ATP6V1H: variants seen among roughly 807,000 people sequenced by gnomAD.
ATP6V1H encodes ATPase H+ transporting V1 subunit H, also known as V-type proton ATPase subunit H.
Under a neutral mutation model 71.7 loss-of-function variants are expected in ATP6V1H, and 39 were observed. That is an observed-to-expected ratio of 0.54 (90% CI 0.42 to 0.71). ATP6V1H has a LOEUF of 0.71. ATP6V1H is among the 30% of genes least tolerant of loss of function. The pLI is 0.00. For missense variants in ATP6V1H, 509 were observed against 594.9 expected (o/e 0.86, Z 1.50); for synonymous variants, 192 against 199.3 (o/e 0.96, Z 0.31).
intron 11 of ATP6V1H, among the ~76,000 whole-genome samples, chr8:53,763,626 CAAA>C (rs2130285767): frequency 6.6e-6 from 1 of 151,910 alleles, no homozygotes; most frequent in African/African-American, 2.4e-5. Flanking sequence ...ATCTTGGAAA[CAAA>C]AGAGCAGACT....
intron 4 of ATP6V1H, among the ~76,000 whole-genome samples, chr8:53,823,384 A>C (rs1810722645): frequency 6.6e-6 from 1 of 152,246 alleles, no homozygotes; most frequent in African/African-American, 2.4e-5. Context: ...GGAACGCAGA[A>C]ACTGGATTAA....
At chr8:53,841,229 T>G (rs962583830) in intron 2 of ATP6V1H, among the ~76,000 whole-genome samples, 23 of 152,352 alleles carry the variant, frequency 1.5e-4, no homozygotes, top group African/African-American at 4.3e-4. Context: ...CCATGCTGAT[T>G]GCCAGGGCAT....
rs1447220834 is a variant in ATP6V1H at position 53,743,467 on chromosome 8, A to G, written c.1391+110T>C. 14 of 786,718 alleles carry G rather than the reference A, an allele frequency of 1.8e-5. No homozygotes were observed. In the Admixed American group the frequency reaches 2.4e-4, roughly 14 times the overall value. 48.7% of individuals were successfully genotyped at this position (786,718 alleles called of 1,614,324 possible). The stretch of plus-strand genomic sequence containing the variant: ...ATATATTTCTAAATTTTGAATCAAA[A>G]TAACTAATTTTAAAAATGATCATTC... On this transcript the variant is annotated intron_variant, in intron 13 of 13. Transcript: ENST00000359530.
intron 7 of ATP6V1H, among the ~76,000 whole-genome samples, chr8:53,807,278 T>A (rs529068694): frequency 6.6e-6 from 1 of 151,906 alleles, no homozygotes; most frequent in African/African-American, 2.4e-5. Context: ...GAAAACAATT[T>A]AAGGAATCTG....
chr8:53,819,666 ATATATACATATG>A (rs1222639696), intron 4 of ATP6V1H, among the ~76,000 whole-genome samples: 1 of 132,016 alleles, frequency 7.6e-6, no homozygotes, highest in Middle Eastern at 3.4e-3. Context: ...ACGTATATAC[ATATATACATATG>A]TATATACAAA....
chr8:53,769,502 C>T (rs1040738746), intron 11 of ATP6V1H, 116 bp downstream of exon 11: 3 of 1,076,932 alleles, frequency 2.8e-6, no homozygotes, highest in Non-Finnish European at 3.9e-6. Flanking sequence ...CATTAGTCAG[C>T]AAGAAAATAC....
intron 4 of ATP6V1H, among the ~76,000 whole-genome samples, chr8:53,819,116 G>A (rs1408240672): frequency 3.3e-5 from 5 of 152,072 alleles, no homozygotes; most frequent in African/African-American, 7.2e-5. Flanking sequence ...GGAGGTGGGA[G>A]GATCACTTGA....
chr8:53,758,031 A>G (rs1245154891), intron 11 of ATP6V1H, among the ~76,000 whole-genome samples: 1 of 152,250 alleles, frequency 6.6e-6, no homozygotes, highest in Non-Finnish European at 1.5e-5. Context: ...GAGATTGAAG[A>G]GCAGTGAAGA....
At chr8:53,832,823 GA>G (rs1329438153) in intron 3 of ATP6V1H, 160 bp downstream of exon 3, 36 of 449,390 alleles carry the variant, frequency 8.0e-5, no homozygotes, top group Non-Finnish European at 1.2e-5. Flanking sequence ...TATATTCTAA[GA>G]AAATATTCAG....
intron 13 of ATP6V1H, among the ~76,000 whole-genome samples, chr8:53,737,420 C>G (rs574989055): frequency 6.6e-6 from 1 of 152,308 alleles, no homozygotes; most frequent in South Asian, 2.1e-4. Context: ...AGTGTTCAAA[C>G]CAGACACTGA....
At chr8:53,748,309 T>A (rs763609381) in intron 12 of ATP6V1H, among the ~76,000 whole-genome samples, 1 of 152,190 alleles carries the variant, frequency 6.6e-6, no homozygotes, top group African/African-American at 2.4e-5. Context: ...GTAATGATAG[T>A]ATTCAGTGCT....
intron 4 of ATP6V1H, among the ~76,000 whole-genome samples, chr8:53,821,094 G>A (rs1810638640): frequency 6.6e-6 from 1 of 151,566 alleles, no homozygotes. Context: ...AGAGAGGCCA[G>A]GTGCAGTAGC....
At chr8:53,792,693 G>A (rs1809605394) in intron 9 of ATP6V1H, among the ~76,000 whole-genome samples, 1 of 152,126 alleles carries the variant, frequency 6.6e-6, no homozygotes, top group African/African-American at 2.4e-5. Flanking sequence ...TTCACTTACT[G>A]GGGAATTATC....
At chr8:53,824,733 G>T (rs1194339647) in intron 4 of ATP6V1H, among the ~76,000 whole-genome samples, 2 of 151,726 alleles carry the variant, frequency 1.3e-5, no homozygotes, top group Non-Finnish European at 2.9e-5. Flanking sequence ...GTTCTTATAA[G>T]CCATAAGAAT....
intron 11 of ATP6V1H, among the ~76,000 whole-genome samples, chr8:53,763,179 G>A (rs764539951): frequency 3.9e-5 from 6 of 152,010 alleles, no homozygotes; most frequent in African/African-American, 9.7e-5. Flanking sequence ...GAGGAGGGTC[G>A]GCATCCCTAA....
chr8:53,758,622 G>A (rs967135801), intron 11 of ATP6V1H, among the ~76,000 whole-genome samples: 1 of 152,184 alleles, frequency 6.6e-6, no homozygotes, highest in Non-Finnish European at 1.5e-5. Flanking sequence ...TTCAAGGCAA[G>A]TTGAATCTAT....
At chr8:53,801,050 A>G (rs1246586537) in intron 8 of ATP6V1H, among the ~76,000 whole-genome samples, 1 of 152,256 alleles carries the variant, frequency 6.6e-6, no homozygotes, top group Admixed American at 6.5e-5. Flanking sequence ...TATTCGCAGA[A>G]GTAACCCATT....
chr8:53,833,366 G>A (rs1046739156), intron 2 of ATP6V1H, among the ~76,000 whole-genome samples: 1 of 152,076 alleles, frequency 6.6e-6, no homozygotes, highest in African/African-American at 2.4e-5. Flanking sequence ...CACATAAGGT[G>A]GTTAGTAGCA....
intron 9 of ATP6V1H, among the ~76,000 whole-genome samples, chr8:53,783,134 T>A (rs1172857215): frequency 6.6e-6 from 1 of 152,146 alleles, no homozygotes; most frequent in African/African-American, 2.4e-5. Context: ...CTCCTCCTTG[T>A]ACCTCTGGTA....
Sources: gnomAD v4.1 joint callset for allele counts (sites outside exome capture counted in the v4.1 genomes callset) on GRCh38, gnomAD v4.1.1 for gene constraint, MANE v1.5 for transcripts, NCBI Gene and HGNC (gene_info 2026-07-23, HGNC 2026-07-21) for gene names.